Variants in GRM3 observed in about 807,000 individuals in gnomAD.
The protein encoded by GRM3 is metabotropic glutamate receptor 3.
A neutral mutation model predicts 70.5 loss-of-function variants in GRM3; 26 were observed. That is an observed-to-expected ratio of 0.37 (90% CI 0.27 to 0.51). The LOEUF is 0.51. Ranked by LOEUF, GRM3 falls within the 20% of genes least tolerant of loss-of-function variation. GRM3 has a pLI of 0.93. For missense variants in GRM3, 859 were observed against 1,123.8 expected, an observed-to-expected ratio of 0.76 and a Z score of 3.37; for synonymous variants, 443 against 434.9, an observed-to-expected ratio of 1.02 and a Z score of -0.23.
chr7:86,804,196 T>C (rs1254562554), intron 3 of GRM3, among the ~76,000 whole-genome samples: 3 of 152,162 alleles, frequency 2.0e-5, no homozygotes, highest in East Asian at 3.9e-4. Context: ...TCTCCAGTTA[T>C]GATTGTCACT....
At chr7:86,767,177 C>T (rs752469307) in intron 2 of GRM3, among the ~76,000 whole-genome samples, 1 of 151,566 alleles carries the variant, frequency 6.6e-6, no homozygotes, top group Non-Finnish European at 1.5e-5. Context: ...AGGCCACTGC[C>T]CTCTAGCCTG....
In GRM3 at chr7:86,762,478, C is replaced by A. The variant is rs1178713769; in HGVS notation, c.-140-2528C>A. 3.9e-5 allele frequency among the ~76,000 whole-genome samples: 6 copies of A among 152,126 alleles called. No homozygotes were observed. The East Asian group carries it at 1.2e-3, about 29-fold the overall frequency. On this transcript the variant is annotated intron_variant, in intron 1 of 5. Coordinates refer to ENST00000361669, the MANE Select transcript of GRM3 (RefSeq NM_000840.3). The stretch of plus-strand genomic sequence containing the variant: ...TGCTAATATGAAAAGGGAGAAATGT[C>A]AAAAATGTTGAAGTAAACACTGGAC...
chr7:86,665,000 A>C (rs1793989813), intron 1 of GRM3, among the ~76,000 whole-genome samples: 1 of 152,084 alleles, frequency 6.6e-6, no homozygotes, highest in Admixed American at 6.6e-5. Context: ...AGGATAGCTA[A>C]GATAAATTTT....
At chr7:86,696,640 ATC>A (rs1341016750) in intron 1 of GRM3, among the ~76,000 whole-genome samples, 1 of 152,046 alleles carries the variant, frequency 6.6e-6, no homozygotes, top group Non-Finnish European at 1.5e-5. Flanking sequence ...TTGATAGCTC[ATC>A]TGTTTTATAA....
chr7:86,765,410 G>A lies in GRM3; in HGVS notation c.265G>A (p.Val89Met), dbSNP rs1382042613. 22 of 1,613,852 alleles carry A rather than the reference G, an allele frequency of 1.4e-5. No homozygotes were observed. The highest frequency in any genetic ancestry group is 1.8e-5 in the Non-Finnish European group (21 of 1,179,900). The change falls in exon 2 of 6, where the codon GTG (valine) becomes ATG (methionine). Residue 89 changes from valine (V) to methionine (M), a missense_variant. Val to Met is a conservative substitution (Grantham distance 21). Coordinates refer to ENST00000361669, the MANE Select transcript of GRM3 (RefSeq NM_000840.3). Reference sequence around the variant, plus strand: ...CAAAGATGATTACTTGCTACCAGGAGTGAAGTTGGGTGTTCACATTTTGGA... The same window carrying A: ...CAAAGATGATTACTTGCTACCAGGAATGAAGTTGGGTGTTCACATTTTGGA... ...INKDDYLLPG[V>M]KLGVHILDTC...
rs187657710 is a variant in GRM3 at position 86,749,531 on chromosome 7, G to T, written c.-140-15475G>T. On this transcript the variant is annotated intron_variant, in intron 1 of 5. Coordinates refer to ENST00000361669, the MANE Select transcript of GRM3 (RefSeq NM_000840.3). ...GTGGATAGAATCAGCACCAAACACGGCCTTGATGAGAAGGCTAATGGATGC... is the reference window on the plus strand; with the variant it reads ...GTGGATAGAATCAGCACCAAACACGTCCTTGATGAGAAGGCTAATGGATGC... Among the ~76,000 whole-genome samples, 509 of 152,152 alleles carry T rather than the reference G, an allele frequency of 3.3e-3. 4 individuals carry two copies. The highest frequency in any genetic ancestry group is 0.011 in the African/African-American group (476 of 41,522).
Position 86,644,761 on chromosome 7 carries a change from C to T in GRM3, c.-252C>T. 3.9e-6 allele frequency: 5 copies of T among 1,283,334 alleles called. No homozygotes were observed. The highest frequency in any genetic ancestry group is 5.1e-6 in the Non-Finnish European group (5 of 982,968). The allele number at this position is 1,283,334 out of a possible 1,614,324, so 79.5% of individuals were successfully genotyped here. ...AAAGGACAAAGCCAGTAAGCTACCT[C>T]TTTTGTGTCGGATGAGGAGGACCAA... On this transcript the variant is annotated 5_prime_UTR_variant, in exon 1 of 6. Coordinates refer to ENST00000361669, the MANE Select transcript of GRM3 (RefSeq NM_000840.3).
In GRM3 at chr7:86,786,518, T is replaced by C. The variant is rs1157653299; in HGVS notation, c.726T>C (p.Ala242=). ...CCCGCCTGCGCAACATCTGCATCGC[T>C]ACGGCGGAGAAGGTGGGCCGCTCCA... ...QEARLRNICI[A]TAEKVGRSNI... is the part of the protein sequence containing the mutation. The change falls in exon 3 of 6, where the codon GCT becomes GCC. Residue 242 remains alanine, a synonymous_variant. Coordinates refer to ENST00000361669, the MANE Select transcript of GRM3 (RefSeq NM_000840.3). This position sits in a 1 kb window ranked among gnomAD's most constrained non-coding sequence, Gnocchi z 6.0. 1.2e-6 allele frequency: 2 copies of C among 1,614,150 alleles called. No individual in the cohort carries two copies. The highest frequency in any genetic ancestry group is 2.2e-5 in the South Asian group (2 of 91,088).
At chr7:86,801,868 G>A (rs145759200) in intron 3 of GRM3, among the ~76,000 whole-genome samples, 17 of 151,956 alleles carry the variant, frequency 1.1e-4, no homozygotes, top group East Asian at 7.8e-4. Context: ...AATTGGAACC[G>A]TAAAGTGTTG....
At chr7:86,646,611 A>G (rs1444727236) in intron 1 of GRM3, among the ~76,000 whole-genome samples, 4 of 147,448 alleles carry the variant, frequency 2.7e-5, no homozygotes, top group African/African-American at 8.1e-5. Context: ...GCCCCTAGAT[A>G]CTATATATCT....
At chr7:86,753,414 C>T (rs1796275362) in intron 1 of GRM3, among the ~76,000 whole-genome samples, 2 of 152,060 alleles carry the variant, frequency 1.3e-5, no homozygotes, top group Admixed American at 1.3e-4. Context: ...AGGCCAAACC[C>T]TAACACAGTG....
intron 3 of GRM3, among the ~76,000 whole-genome samples, chr7:86,817,249 G>A (rs1286942963): frequency 6.6e-6 from 1 of 151,710 alleles, no homozygotes; most frequent in East Asian, 1.9e-4. Context: ...CCCTTCTAAT[G>A]TTATCTCCCT....
At chr7:86,856,837 A>G (rs1048475149) in intron 5 of GRM3, among the ~76,000 whole-genome samples, 4 of 152,100 alleles carry the variant, frequency 2.6e-5, no homozygotes, top group Admixed American at 6.6e-5. Flanking sequence ...ATATGTTGCT[A>G]GGTTTTCCCC....
chr7:86,750,264 C>T (rs1194251361), intron 1 of GRM3, among the ~76,000 whole-genome samples: 1 of 152,064 alleles, frequency 6.6e-6, no homozygotes, highest in Non-Finnish European at 1.5e-5. Flanking sequence ...TTTAGCTACG[C>T]TAACTAATTT....
At chr7:86,854,456 G>A (rs1798811312) in intron 5 of GRM3, among the ~76,000 whole-genome samples, 1 of 152,126 alleles carries the variant, frequency 6.6e-6, no homozygotes. Context: ...AAACTGAAAA[G>A]TTTTACATAT....
chr7:86,716,644 A>G lies in GRM3; in HGVS notation c.-140-48362A>G, dbSNP rs1031278481. On this transcript the variant is annotated intron_variant, in intron 1 of 5. Transcript: ENST00000361669. ...AACAAGATCATGGAAGGGAAACACC[A>G]AGTGCAATAACCCAATTGGCCACTA... Among the ~76,000 whole-genome samples, 46 of 151,496 alleles carry G rather than the reference A, an allele frequency of 3.0e-4. 1 individual carries two copies. Among genetic ancestry groups the G allele is most frequent in the Non-Finnish European group, 5.9e-5 (4 of 67,800 alleles).
At chr7:86,708,520 C>T (rs139051431) in intron 1 of GRM3, among the ~76,000 whole-genome samples, 2 of 152,110 alleles carry the variant, frequency 1.3e-5, no homozygotes, top group African/African-American at 4.8e-5. Flanking sequence ...GGAAGCTCAG[C>T]GTTGACAACA....
chr7:86,737,528 A>T (rs886469412), intron 1 of GRM3, among the ~76,000 whole-genome samples: 6 of 152,212 alleles, frequency 3.9e-5, no homozygotes, highest in Non-Finnish European at 8.8e-5. Flanking sequence ...GCAGGAATGA[A>T]ACGTAACACA....
chr7:86,831,311 CT>C (rs923905824), intron 3 of GRM3, among the ~76,000 whole-genome samples: 6 of 151,894 alleles, frequency 4.0e-5, no homozygotes, highest in Admixed American at 1.3e-4. Context: ...TTTCAAAATG[CT>C]TTTTTTTGTA....
Sources: allele counts gnomAD v4.1 joint callset (sites outside exome capture counted in the v4.1 genomes callset), GRCh38; gene constraint gnomAD v4.1.1; non-coding constraint Gnocchi (gnomAD v3.1); transcripts MANE v1.5; gene names NCBI Gene and HGNC (gene_info 2026-07-23, HGNC 2026-07-21).